GPCPD1: variants seen among roughly 807,000 people sequenced by gnomAD.
GPCPD1 encodes glycerophosphocholine phosphodiesterase 1.
Under a neutral mutation model 89.2 loss-of-function variants are expected in GPCPD1, and 29 were observed. The observed-to-expected ratio is 0.33, with a 90% confidence interval of 0.24 to 0.44. The LOEUF is 0.44. Ranked by LOEUF, GPCPD1 falls within the 20% of genes least tolerant of loss-of-function variation. GPCPD1 has a pLI of 1.00. For synonymous variants in GPCPD1, 258 were observed against 266.3 expected, an observed-to-expected ratio of 0.97 and a Z score of 0.30; for missense variants, 594 against 808.9, an observed-to-expected ratio of 0.73 and a Z score of 3.22.
chr20:5,597,656 C>T (rs1246238674), intron 3 of GPCPD1, among the ~76,000 whole-genome samples: 1 of 152,180 alleles, frequency 6.6e-6, no homozygotes, highest in Non-Finnish European at 1.5e-5. Flanking sequence ...TATAACACTT[C>T]CAACTATCCA....
rs1053399 is a variant in GPCPD1, at chr20:5,545,340, T to C, written c.*2321A>G. On this transcript the variant is annotated 3_prime_UTR_variant, in exon 20 of 20. Transcript: ENST00000379019. ...ACAAGGTCCCTGCCCTTGAAGAGCC[T>C]GCAGCCTGGCAGATGAGACAAAGAT... 0.69 allele frequency: 105,066 copies of C among 152,028 alleles called. 36,865 individuals are homozygous for C. Among genetic ancestry groups the C allele is most frequent in the African/African-American group, 0.79 (32,729 of 41,470 alleles). 9.4% of individuals were successfully genotyped at this position (152,028 alleles called of 1,614,324 possible). A position where few individuals can be genotyped will look rare whatever the true frequency, so the allele number is the denominator to read the frequency against.
chr20:5,604,710 C>T (rs557433018), intron 1 of GPCPD1, among the ~76,000 whole-genome samples: 9 of 144,458 alleles, frequency 6.2e-5, no homozygotes, highest in Admixed American at 5.1e-4. Flanking sequence ...GAGGCTGAGG[C>T]AGGAGGATGA....
intron 11 of GPCPD1, among the ~76,000 whole-genome samples, chr20:5,573,138 GTGGCA>G (rs1418016574): frequency 2.0e-5 from 3 of 150,788 alleles, no homozygotes; most frequent in Non-Finnish European, 4.4e-5. Context: ...CTGGAAAACG[GTGGCA>G]TGATCTCAGC....
At chr20:5,595,073 C>G (rs1182833419) in intron 3 of GPCPD1, among the ~76,000 whole-genome samples, 1 of 152,154 alleles carries the variant, frequency 6.6e-6, no homozygotes, top group Non-Finnish European at 1.5e-5. Context: ...CGACTCTGAT[C>G]AGTTAGCAGC....
chr20:5,567,814 C>G, intron 12 of GPCPD1: 1 of 325,392 alleles, frequency 3.1e-6, no homozygotes, highest in Admixed American at 4.7e-5. Context: ...GAAAATGCAG[C>G]TGGCAGAAAG....
At chr20:5,578,636 A>G (rs1978310422) in intron 7 of GPCPD1, 25 bp from the exon 8 acceptor site, 1 of 1,432,904 alleles carries the variant, frequency 7.0e-7, no homozygotes, top group Admixed American at 1.7e-5. Context: ...AAATAATGAG[A>G]TGCAAGAAGT....
At chr20:5,557,046 T>A (rs909450562) in intron 19 of GPCPD1, among the ~76,000 whole-genome samples, 1 of 152,228 alleles carries the variant, frequency 6.6e-6, no homozygotes, top group African/African-American at 2.4e-5. Flanking sequence ...ATTTAAATTG[T>A]TACGGAAGTC....
Position 5,559,910 on chromosome 20 carries a change from G to A in GPCPD1, c.1532+30C>T, listed in dbSNP as rs758764160. 6.7e-6 allele frequency: 9 copies of A among 1,335,244 alleles called. No homozygotes were observed. In the East Asian group the frequency reaches 2.3e-4, roughly 35 times the overall value. 82.7% of individuals were successfully genotyped at this position (1,335,244 alleles called of 1,614,324 possible). ...CTTAAGTCCTAGACACATTCTAAGA[G>A]TATAGGAAAAAATACAGAGTATTAC... On this transcript the variant is annotated intron_variant, in intron 17 of 19. Coordinates refer to ENST00000379019, the MANE Select transcript of GPCPD1 (RefSeq NM_019593.5).
rs1437298394 is a variant in GPCPD1, at chr20:5,586,176, T to C, written c.307+18A>G. 3 of 1,295,950 alleles carry C rather than the reference T, an allele frequency of 2.3e-6. No homozygotes were observed. Among genetic ancestry groups the C allele is most frequent in the Admixed American group, 1.7e-5 (1 of 58,040 alleles). The allele number at this position is 1,295,950 out of a possible 1,614,324, so 80.3% of individuals were successfully genotyped here. ...ACTTTATGCATATGCCTCAAACAGATGCAGTTAATGCCCATACCTAAAGGG... is the reference window on the plus strand; with the variant it reads ...ACTTTATGCATATGCCTCAAACAGACGCAGTTAATGCCCATACCTAAAGGG... On this transcript the variant is annotated intron_variant, in intron 5 of 19. Coordinates refer to ENST00000379019, the MANE Select transcript of GPCPD1 (RefSeq NM_019593.5).
At chr20:5,598,435 C>T (rs1979883915) in intron 3 of GPCPD1, among the ~76,000 whole-genome samples, 1 of 150,248 alleles carries the variant, frequency 6.7e-6, no homozygotes, top group East Asian at 2.0e-4. Context: ...ACCTAAAGAA[C>T]CAGTCAAGAA....
At chr20:5,568,101 C>T (rs1490422480) in intron 12 of GPCPD1, among the ~76,000 whole-genome samples, 2 of 151,982 alleles carry the variant, frequency 1.3e-5, no homozygotes, top group African/African-American at 4.8e-5. Context: ...CCATGTTTCC[C>T]CCACAAGCAA....
chr20:5,559,286 T>C (rs923955527), intron 17 of GPCPD1, among the ~76,000 whole-genome samples: 2 of 152,120 alleles, frequency 1.3e-5, no homozygotes, highest in Admixed American at 6.5e-5. Context: ...ACCATTAACA[T>C]GCGTTGCCTT....
chr20:5,560,924 G>A (rs1362007337), intron 16 of GPCPD1, among the ~76,000 whole-genome samples: 7 of 152,152 alleles, frequency 4.6e-5, no homozygotes. Flanking sequence ...ATAAGTCCCA[G>A]GAAGACAAGG....
At chr20:5,575,773 T>C (rs749899585) in intron 9 of GPCPD1, 43 bp downstream of exon 9, 4 of 1,338,110 alleles carry the variant, frequency 3.0e-6, no homozygotes, top group Non-Finnish European at 4.2e-6. Flanking sequence ...TAATTAAAAT[T>C]CTAACTTAAC....
intron 6 of GPCPD1, among the ~76,000 whole-genome samples, chr20:5,582,908 AG>A (rs1247367025): frequency 1.3e-5 from 2 of 150,922 alleles, no homozygotes; most frequent in Admixed American, 6.6e-5. Context: ...AAAAAAAAAA[AG>A]AATGCAGTTT....
intron 1 of GPCPD1, among the ~76,000 whole-genome samples, chr20:5,608,469 T>C (rs1433902254): frequency 1.3e-5 from 2 of 152,136 alleles, no homozygotes; most frequent in African/African-American, 4.8e-5. Context: ...TTCACTTGAT[T>C]ATGGACAGAG....
At chr20:5,584,419 T>C (rs1052962014) in intron 5 of GPCPD1, 97 bp from the exon 6 acceptor site, 3 of 617,126 alleles carry the variant, frequency 4.9e-6, no homozygotes, top group Non-Finnish European at 8.9e-6. Flanking sequence ...GTTTATAATA[T>C]TAAATCTACA....
intron 6 of GPCPD1, among the ~76,000 whole-genome samples, chr20:5,583,749 A>C (rs1244995294): frequency 6.6e-6 from 1 of 152,226 alleles, no homozygotes; most frequent in Non-Finnish European, 1.5e-5. Context: ...CACAAAATAC[A>C]CAAACTTAGC....
At chr20:5,602,385 C>T (rs1220793729) in intron 2 of GPCPD1, among the ~76,000 whole-genome samples, 6 of 152,236 alleles carry the variant, frequency 3.9e-5, no homozygotes, top group Non-Finnish European at 5.9e-5. Flanking sequence ...CTTCTCTCCA[C>T]GGAAGTGGCC....
Sources: allele counts gnomAD v4.1 joint callset (sites outside exome capture counted in the v4.1 genomes callset), GRCh38; gene constraint gnomAD v4.1.1; transcripts MANE v1.5; gene names NCBI Gene and HGNC (gene_info 2026-07-23, HGNC 2026-07-21).